Variants in TPRG1 observed in about 807,000 individuals in gnomAD.
TPRG1 encodes tumor protein p63 regulated 1.
A neutral mutation model predicts 29.3 loss-of-function variants in TPRG1; 29 were observed. The ratio of observed to expected loss-of-function variants is 0.99; its 90% CI spans 0.74 to 1.35. The LOEUF (loss-of-function observed/expected upper bound fraction) is 1.35. TPRG1 is among the 40% of genes most tolerant of loss of function. The pLI, the probability that TPRG1 is intolerant of heterozygous loss-of-function variation, is 0.00. For missense variants in TPRG1, 327 were observed against 335.0 expected, an observed-to-expected ratio of 0.98 and a Z score of 0.19; for synonymous variants, 130 against 116.8, an observed-to-expected ratio of 1.11 and a Z score of -0.73.
chr3:189,316,972 C>T (rs1207204599), intron 5 of TPRG1, among the ~76,000 whole-genome samples: 1 of 152,086 alleles, frequency 6.6e-6, no homozygotes, highest in East Asian at 1.9e-4. Flanking sequence ...TGTAACCATG[C>T]CCTCCCCTGG....
chr3:189,035,472 C>A (rs1012429549), intron 4 of TPRG1, among the ~76,000 whole-genome samples: 8 of 151,986 alleles, frequency 5.3e-5, no homozygotes, highest in African/African-American at 1.9e-4. Context: ...TTCTGCACAG[C>A]AAAATAAACT....
rs139038573 is a variant in TPRG1, at chr3:189,073,391, A to G, written c.-463+49445A>G. Among the ~76,000 whole-genome samples the G allele has an allele frequency of 4.5e-4, 68 of 152,356 alleles. 1 individual carries two copies. Among genetic ancestry groups the G allele is most frequent in the Non-Finnish European group, 8.4e-4 (57 of 68,022 alleles). ...AGTGTTATTACTCTCATGACACTAT[A>G]AACACAAATCAATTACGAGTATTCA... On this transcript the variant is annotated intron_variant, in intron 4 of 10. Transcript: ENST00000433971.
In TPRG1 at chr3:189,238,910, G is replaced by A. The variant is rs1740013033; in HGVS notation, c.479+1G>A. 6.2e-7 allele frequency: 1 copy of A among 1,610,270 alleles called. No individual in the cohort carries two copies. Among genetic ancestry groups the A allele is most frequent in the Non-Finnish European group, 8.5e-7 (1 of 1,177,788 alleles). The stretch of plus-strand genomic sequence containing the variant: ...CCTTCCCTGGGATGTCCCTGGACAA[G>A]TGAGTATATATCTTATACTTGAAGA... On this transcript the variant is annotated splice_donor_variant, in intron 4 of 5. Transcript: ENST00000345063. LOFTEE classifies it high-confidence loss of function.
chr3:189,075,267 G>T (rs1463679421), intron 4 of TPRG1, among the ~76,000 whole-genome samples: 1 of 152,048 alleles, frequency 6.6e-6, no homozygotes, highest in Non-Finnish European at 1.5e-5. Context: ...CAAGTAGCTG[G>T]GATTACAGGC....
At chr3:189,320,442 C>A (rs4687036) in intron 5 of TPRG1, among the ~76,000 whole-genome samples, 184 bp from the exon 6 acceptor site, 2 of 151,996 alleles carry the variant, frequency 1.3e-5, no homozygotes, top group Admixed American at 1.3e-4. Flanking sequence ...TCTTAATGGA[C>A]TTAAGCACAG....
intron 4 of TPRG1, among the ~76,000 whole-genome samples, chr3:189,028,658 G>A (rs538358600): frequency 1.3e-5 from 2 of 152,188 alleles, no homozygotes; most frequent in South Asian, 4.2e-4. Context: ...TTTTAATTGC[G>A]TGTGCTAATA....
At chr3:189,137,673 C>G (rs373876971) in intron 3 of TPRG1, among the ~76,000 whole-genome samples, 9 of 152,064 alleles carry the variant, frequency 5.9e-5, no homozygotes, top group Non-Finnish European at 1.3e-4. Flanking sequence ...ATGCAGTGAG[C>G]GGGAGAGAGA....
At position 189,321,523 on chromosome 3, in the gene TPRG1, C is replaced by T. The variant is rs1724317370; in HGVS notation, c.*703C>T. On this transcript the variant is annotated 3_prime_UTR_variant, in exon 6 of 6. Coordinates refer to ENST00000345063, the MANE Select transcript of TPRG1 (RefSeq NM_198485.4). ...CGATGCCCAGATGTCAAACTTGAAG[C>T]TCATTCTCTTATCAAAATTGTTCAT... is the stretch of plus-strand genomic sequence containing the variant. The T allele has an allele frequency of 6.6e-6, 1 of 152,022 alleles. No homozygotes were observed. Among genetic ancestry groups the T allele is most frequent in the African/African-American group, 2.4e-5 (1 of 41,402 alleles). 9.4% of individuals were successfully genotyped at this position (152,022 alleles called of 1,614,324 possible).
chr3:189,157,381 A>ATGACTCACATGTCCAC (rs535111262), intron 5 of TPRG1, among the ~76,000 whole-genome samples: 151 of 152,290 alleles, frequency 9.9e-4, no homozygotes, highest in African/African-American at 3.4e-3. Flanking sequence ...CGAGTGGCCA[A>ATGACTCACATGTCCAC]TGACTCACAT....
intron 4 of TPRG1, among the ~76,000 whole-genome samples, chr3:189,085,359 T>G (rs1483695015): frequency 6.6e-6 from 1 of 152,144 alleles, no homozygotes; most frequent in Non-Finnish European, 1.5e-5. Context: ...TCATATCTCA[T>G]AGTATTGGAA....
At chr3:189,245,713 A>G (rs1437181815) in intron 4 of TPRG1, among the ~76,000 whole-genome samples, 1 of 152,090 alleles carries the variant, frequency 6.6e-6, no homozygotes, top group Non-Finnish European at 1.5e-5. Flanking sequence ...TTTAGATTAT[A>G]TATATTTTTA....
chr3:189,073,667 C>T (rs1366867988), intron 4 of TPRG1, among the ~76,000 whole-genome samples: 1 of 152,140 alleles, frequency 6.6e-6, no homozygotes, highest in Non-Finnish European at 1.5e-5. Flanking sequence ...ATTACAAAAA[C>T]AATGTGCTCA....
intron 4 of TPRG1, among the ~76,000 whole-genome samples, chr3:189,043,256 T>C (rs1176113822): frequency 1.3e-5 from 2 of 152,196 alleles, no homozygotes; most frequent in Non-Finnish European, 2.9e-5. Flanking sequence ...AAATTCTTTC[T>C]TTGGGGAAAC....
intron 3 of TPRG1, among the ~76,000 whole-genome samples, chr3:189,014,581 A>C (rs1317776683): frequency 6.6e-6 from 1 of 152,094 alleles, no homozygotes; most frequent in Non-Finnish European, 1.5e-5. Flanking sequence ...CCCACATTTC[A>C]TGGGAGGGGC....
In TPRG1 at chr3:189,078,068, C is replaced by CTTTCTCT. The variant is rs57725294; in HGVS notation, c.-462-48989_-462-48988insTTTCTCT. ...CCTTCCTTCCTTCCTTCCTTTCTCT[C>CTTTCTCT]CTTTCTCTCTTTCTCTCTTTCTCTC... On this transcript the variant is annotated intron_variant, in intron 4 of 10. Transcript: ENST00000433971. Among the ~76,000 whole-genome samples the CTTTCTCT allele has an allele frequency of 9.2e-3, 1,144 of 123,744 alleles. 16 individuals are homozygous for CTTTCTCT. Among genetic ancestry groups the CTTTCTCT allele is most frequent in the African/African-American group, 0.037 (1,075 of 28,754 alleles). 81.2% of individuals were successfully genotyped at this position (123,744 alleles called of 152,430 possible). A position where few individuals can be genotyped will look rare whatever the true frequency, so the allele number is the denominator to read the frequency against.
chr3:189,312,165 C>G (rs201683640), intron 5 of TPRG1, among the ~76,000 whole-genome samples: 7 of 68,646 alleles, frequency 1.0e-4, no homozygotes, highest in Non-Finnish European at 1.4e-4. Flanking sequence ...TTCTTTCTTT[C>G]TTTCTTTCTT....
chr3:189,088,579 C>T (rs1718118155), intron 4 of TPRG1, among the ~76,000 whole-genome samples: 1 of 152,136 alleles, frequency 6.6e-6, no homozygotes, highest in African/African-American at 2.4e-5. Context: ...GTCGGGGTTA[C>T]TTCCAAAAAT....
chr3:189,307,978 T>C (rs1334811928), intron 4 of TPRG1, among the ~76,000 whole-genome samples: 6 of 152,184 alleles, frequency 3.9e-5, no homozygotes, highest in Non-Finnish European at 7.3e-5. Flanking sequence ...AATTAGATGC[T>C]TCTGAACTAG....
At chr3:188,998,523 T>C (rs778360971) in intron 1 of TPRG1, among the ~76,000 whole-genome samples, 2 of 152,224 alleles carry the variant, frequency 1.3e-5, no homozygotes, top group African/African-American at 2.4e-5. Context: ...AGACACTAGA[T>C]GGTTTTGAAA....
Sources: gnomAD v4.1 joint callset for allele counts (sites outside exome capture counted in the v4.1 genomes callset) on GRCh38, gnomAD v4.1.1 for gene constraint, MANE v1.5 for transcripts, NCBI Gene and HGNC (gene_info 2026-07-23, HGNC 2026-07-21) for gene names.